Variants in ALPK2 observed in about 807,000 individuals in gnomAD.
ALPK2 encodes alpha kinase 2, also known as alpha-protein kinase 2.
A neutral mutation model predicts 163.1 loss-of-function variants in ALPK2; 127 were observed. The ratio of observed to expected loss-of-function variants is 0.78; its 90% CI spans 0.67 to 0.90. ALPK2 has a LOEUF of 0.90. ALPK2 is among the 40% of genes least tolerant of loss of function. The pLI is 0.00. For missense variants in ALPK2, 2,360 were observed against 2,589.6 expected (o/e 0.91, Z 1.92); for synonymous variants, 953 against 959.1 (o/e 0.99, Z 0.12).
intron 10 of ALPK2, among the ~76,000 whole-genome samples, chr18:58,505,448 C>T (rs560329463): frequency 3.8e-4 from 58 of 152,252 alleles, no homozygotes; most frequent in African/African-American, 1.3e-3. Context: ...ACTGCGCCCT[C>T]TTCCTACTAC....
At chr18:58,595,876 T>C (rs1200943615) in intron 3 of ALPK2, among the ~76,000 whole-genome samples, 1 of 152,098 alleles carries the variant, frequency 6.6e-6, no homozygotes. Context: ...TCTAACAAGC[T>C]CCCAGGGGAT....
intron 1 of ALPK2, among the ~76,000 whole-genome samples, 188 bp from the exon 2 acceptor site, chr18:58,612,005 A>G (rs2052135021): frequency 1.3e-5 from 2 of 152,026 alleles, no homozygotes; most frequent in South Asian, 4.1e-4. Flanking sequence ...ATCCTTCTGT[A>G]TTTCGGGGAT....
chr18:58,497,082 C>A (rs1031693614), intron 12 of ALPK2, among the ~76,000 whole-genome samples: 2 of 152,248 alleles, frequency 1.3e-5, no homozygotes, highest in African/African-American at 4.8e-5. Flanking sequence ...CCCTCACTTC[C>A]TCTGCCTCCC....
At chr18:58,524,951 C>CAAA (rs377122433) in intron 6 of ALPK2, among the ~76,000 whole-genome samples, 5,129 of 105,938 alleles carry the variant, frequency 0.048, 208 homozygotes, top group African/African-American at 0.11. Context: ...TACTCTACAG[C>CAAA]AAAAAAAAAA....
intron 3 of ALPK2, among the ~76,000 whole-genome samples, chr18:58,604,699 G>A (rs992612221): frequency 2.0e-5 from 3 of 152,160 alleles, no homozygotes; most frequent in Admixed American, 2.0e-4. Context: ...TAGTAGACGG[G>A]CTATTTTTCA....
rs1245184907 is a variant in ALPK2 at position 58,481,513 on chromosome 18, G to A, written c.*310C>T. ...ACCAGGTCCTCGACAGCACAACCATGTGCAAATACACAAATATACACATGA... is the reference window on the plus strand; with the variant it reads ...ACCAGGTCCTCGACAGCACAACCATATGCAAATACACAAATATACACATGA... On this transcript the variant is annotated 3_prime_UTR_variant, in exon 13 of 13. Transcript: ENST00000361673. 10 of 343,676 alleles carry A rather than the reference G, an allele frequency of 2.9e-5. No homozygotes were observed. Among genetic ancestry groups the A allele is most frequent in the Non-Finnish European group, 5.4e-5 (10 of 183,912 alleles). 21.3% of individuals were successfully genotyped at this position (343,676 alleles called of 1,614,324 possible).
chr18:58,580,133 A>C lies in ALPK2; in HGVS notation c.643T>G (p.Leu215Val), dbSNP rs775408776. 3 of 1,614,172 alleles carry C rather than the reference A, an allele frequency of 1.9e-6. No individual in the cohort carries two copies. Among genetic ancestry groups the C allele is most frequent in the Non-Finnish European group, 2.5e-6 (3 of 1,180,038 alleles). The change falls in exon 4 of 13, where the codon TTG becomes GTG. Residue 215 changes from leucine to valine, a missense_variant. Leu to Val is a conservative substitution (Grantham distance 32). Coordinates refer to ENST00000361673, the MANE Select transcript of ALPK2 (RefSeq NM_052947.4). ...PSNTEEIANGLLFLNSSHIYE... is the reference protein window; with the variant it reads ...PSNTEEIANGVLFLNSSHIYE... ...ATATGACTTGAATTAAGAAAAAGCA[A>C]CCCATTTGCAATTTCTTCTGTGTTA...
At chr18:58,573,613 C>CTTTTTGTTTTTTTTT (rs2051902484) in intron 4 of ALPK2, among the ~76,000 whole-genome samples, 1 of 51,728 alleles carries the variant, frequency 1.9e-5, no homozygotes. Context: ...TTTTTGTCTT[C>CTTTTTGTTTTTTTTT]TTTTTTTTTT....
chr18:58,624,536 C>A (rs1467888877), intron 1 of ALPK2, among the ~76,000 whole-genome samples: 1 of 151,918 alleles, frequency 6.6e-6, no homozygotes, highest in Admixed American at 6.6e-5. Flanking sequence ...GTCACTGCAA[C>A]CTCTGCCTCC....
In ALPK2 at chr18:58,537,759, C is replaced by T. The variant is rs3809970; in HGVS notation, c.2428G>A (p.Gly810Ser). 837,594 of 1,608,392 alleles carry T rather than the reference C, an allele frequency of 0.52. 223,488 individuals carry two copies. Among genetic ancestry groups the T allele is most frequent in the Non-Finnish European group, 0.56 (652,345 of 1,175,078 alleles). Residue 810 changes from glycine to serine, a missense_variant, in exon 5 of 13, where the codon GGT (glycine) becomes AGT (serine). Physicochemically the swap from Gly to Ser is moderately conservative, Grantham distance 56 (BLOSUM62 0). Coordinates refer to ENST00000361673, the MANE Select transcript of ALPK2 (RefSeq NM_052947.4). ...AVCAMECFEA[G>S]DQGTCFDTID... ...GTATCAAAACACGTTCCTTGGTCACCAGCCTCAAAACACTCCATTGCACAC... is the reference window on the plus strand; with the variant it reads ...GTATCAAAACACGTTCCTTGGTCACTAGCCTCAAAACACTCCATTGCACAC...
Position 58,536,297 on chromosome 18 carries a change from G to C in ALPK2, c.3890C>G (p.Ala1297Gly). Reference sequence around the variant, plus strand: ...TGACTCAGCATCCTCTGGACTGTGAGCCAATGCTGCTATTTCAGAGGGGGC... The same window carrying C: ...TGACTCAGCATCCTCTGGACTGTGACCCAATGCTGCTATTTCAGAGGGGGC... ...ELAPSEIAAL[A>G]HSPEDAESAL... Residue 1297 changes from alanine to glycine, a missense_variant, in exon 5 of 13, where the codon GCT becomes GGT. Ala to Gly is a moderately conservative substitution (Grantham distance 60). Coordinates refer to ENST00000361673, the MANE Select transcript of ALPK2 (RefSeq NM_052947.4). The C allele has an allele frequency of 4.3e-6, 7 of 1,614,216 alleles. No homozygotes were observed. The highest frequency in any genetic ancestry group is 5.9e-6 in the Non-Finnish European group (7 of 1,180,034).
intron 3 of ALPK2, among the ~76,000 whole-genome samples, chr18:58,604,338 T>C (rs182836302): frequency 6.6e-6 from 1 of 152,330 alleles, no homozygotes; most frequent in East Asian, 1.9e-4. Context: ...TGAAAGGCAT[T>C]TGCACAAAAT....
intron 12 of ALPK2, among the ~76,000 whole-genome samples, chr18:58,487,450 A>G (rs1000460597): frequency 1.3e-5 from 2 of 152,054 alleles, no homozygotes; most frequent in African/African-American, 2.4e-5. Flanking sequence ...AGCCCCCAGA[A>G]CTGTGAGACA....
chr18:58,566,949 TC>T (rs2051857077), intron 4 of ALPK2, among the ~76,000 whole-genome samples: 1 of 152,110 alleles, frequency 6.6e-6, no homozygotes, highest in African/African-American at 2.4e-5. Flanking sequence ...GCCCATGGTT[TC>T]CAAACTTTAA....
intron 4 of ALPK2, among the ~76,000 whole-genome samples, chr18:58,549,518 A>G (rs1423308540): frequency 6.6e-6 from 1 of 152,220 alleles, no homozygotes; most frequent in Admixed American, 6.5e-5. Flanking sequence ...CTGGAATTCA[A>G]TGTTGTGATT....
chr18:58,593,375 C>G (rs1255114714), intron 3 of ALPK2, among the ~76,000 whole-genome samples: 1 of 150,902 alleles, frequency 6.6e-6, no homozygotes, highest in Non-Finnish European at 1.5e-5. Flanking sequence ...ACCAGCCTGG[C>G]CAACATGGTG....
chr18:58,487,531 A>G (rs986226533), intron 12 of ALPK2, among the ~76,000 whole-genome samples: 7 of 152,190 alleles, frequency 4.6e-5, no homozygotes, highest in Non-Finnish European at 8.8e-5. Flanking sequence ...ATCTAACATA[A>G]TGGAATAAAG....
intron 2 of ALPK2, among the ~76,000 whole-genome samples, chr18:58,611,025 C>T (rs184969099): frequency 8.9e-4 from 133 of 149,710 alleles, no homozygotes; most frequent in Middle Eastern, 3.5e-3. Flanking sequence ...AACCAAGAGG[C>T]GGAGGTTGCA....
At chr18:58,520,428 CAAAAAAAAAA>C (rs61028795) in intron 8 of ALPK2, among the ~76,000 whole-genome samples, 9 of 64,390 alleles carry the variant, frequency 1.4e-4, no homozygotes, top group Admixed American at 1.2e-3. Flanking sequence ...GACTCCGTCT[CAAAAAAAAAA>C]AAAAAAAAAA....
Sources: gnomAD v4.1 joint callset for allele counts (sites outside exome capture counted in the v4.1 genomes callset) on GRCh38, gnomAD v4.1.1 for gene constraint, MANE v1.5 for transcripts, NCBI Gene and HGNC (gene_info 2026-07-23, HGNC 2026-07-21) for gene names.